The following PAM variants were observed in gnomAD, a reference collection of about 807,000 sequenced individuals.
PAM encodes the protein peptidyl-glycine alpha-amidating monooxygenase.
PAM carries 72 observed loss-of-function variants against 122.1 expected under a neutral mutation model. That is an observed-to-expected ratio of 0.59 (90% CI 0.49 to 0.72). The LOEUF (loss-of-function observed/expected upper bound fraction) is 0.72. Ranked by LOEUF, PAM falls within the 30% of genes least tolerant of loss-of-function variation. The pLI, the probability that PAM is intolerant of heterozygous loss-of-function variation, is 0.00. For missense variants in PAM, 1,106 were observed against 1,183.7 expected, an observed-to-expected ratio of 0.93 and a Z score of 0.96; for synonymous variants, 389 against 404.4, an observed-to-expected ratio of 0.96 and a Z score of 0.46.
rs1300910655 is a variant in PAM, at chr5:102,953,159, T to C, written c.905+2339T>C. ...AAGCTTAACTGTATTAAGCTAGAAA[T>C]TTTGGAACTGGAGAAAACTTTGCTT... On this transcript the variant is annotated intron_variant, in intron 12 of 25. Transcript: ENST00000438793. Among the ~76,000 whole-genome samples the C allele has an allele frequency of 2.0e-5, 3 of 152,246 alleles. No homozygotes were observed. The East Asian group carries it at 5.8e-4, about 29-fold the overall frequency.
At chr5:102,994,529 C>G (rs901063365) in intron 16 of PAM, among the ~76,000 whole-genome samples, 1 of 152,060 alleles carries the variant, frequency 6.6e-6, no homozygotes, top group Admixed American at 6.6e-5. Flanking sequence ...ATCAGTGTTA[C>G]AATTAGTTCC....
At chr5:102,989,932 G>T (rs1225329835) in intron 15 of PAM, 1 of 163,278 alleles carries the variant, frequency 6.1e-6, no homozygotes, top group Non-Finnish European at 1.3e-5. Flanking sequence ...AAAATGCCAT[G>T]TATGTTGTCG....
intron 1 of PAM, among the ~76,000 whole-genome samples, chr5:102,800,180 C>G (rs1764323438): frequency 6.6e-6 from 1 of 152,188 alleles, no homozygotes; most frequent in South Asian, 2.1e-4. Flanking sequence ...TTTGTTCTTG[C>G]TGCTTTCTAT....
intron 16 of PAM, among the ~76,000 whole-genome samples, chr5:102,996,377 G>A (rs1775705305): frequency 6.6e-6 from 1 of 152,206 alleles, no homozygotes; most frequent in Admixed American, 6.6e-5. Context: ...ATAATGTGGA[G>A]TAGCTGCTTT....
intron 20 of PAM, among the ~76,000 whole-genome samples, chr5:103,009,078 TC>T (rs1779882627): frequency 6.6e-6 from 1 of 152,180 alleles, no homozygotes; most frequent in Admixed American, 6.5e-5. Flanking sequence ...AGTGGTTCAA[TC>T]ATCTGAATTG....
intron 3 of PAM, among the ~76,000 whole-genome samples, chr5:102,883,468 A>G (rs1220541138): frequency 6.6e-6 from 1 of 151,464 alleles, no homozygotes. Context: ...TTATTTTTTT[A>G]CAGCTATTGT....
At position 103,025,296 on chromosome 5, in the gene PAM, C is replaced by T; in HGVS notation, c.2651C>T (p.Ala884Val). ...VIPVVVLLAI[A>V]IFIRWKKSRA... ...CCGGTGGTTGTCCTGCTGGCCATTG[C>T]CATATTTATTCGGTGGAAAAAATCA... The change falls in exon 24 of 26, where the codon GCC becomes GTC. Residue 884 changes from alanine to valine, a missense_variant. By Grantham distance (64) the Ala-to-Val change is moderately conservative. Transcript: ENST00000438793. 6.2e-7 allele frequency: 1 copy of T among 1,613,588 alleles called. No individual in the cohort carries two copies. Among genetic ancestry groups the T allele is most frequent in the Non-Finnish European group, 8.5e-7 (1 of 1,179,688 alleles).
chr5:102,927,375 C>G (rs764945523), intron 7 of PAM, among the ~76,000 whole-genome samples: 1 of 152,222 alleles, frequency 6.6e-6, no homozygotes, highest in Non-Finnish European at 1.5e-5. Context: ...GGTTCACACT[C>G]TTGTGTTCAC....
chr5:102,823,863 A>G (rs910977367), intron 1 of PAM, among the ~76,000 whole-genome samples: 1 of 152,206 alleles, frequency 6.6e-6, no homozygotes, highest in African/African-American at 2.4e-5. Flanking sequence ...GGTCACAGAA[A>G]GGGAACTAAC....
intron 5 of PAM, among the ~76,000 whole-genome samples, chr5:102,919,956 C>G (rs1456229519): frequency 6.6e-6 from 1 of 151,988 alleles, no homozygotes; most frequent in Non-Finnish European, 1.5e-5. Flanking sequence ...TTGACTGTTT[C>G]AACAGAAACA....
intron 24 of PAM, among the ~76,000 whole-genome samples, chr5:103,026,310 C>T (rs1470469536): frequency 5.3e-5 from 8 of 152,146 alleles, no homozygotes; most frequent in Admixed American, 4.6e-4. Context: ...GATCAAGAAA[C>T]AGCATCTGAT....
chr5:103,027,093 T>G (rs1437300159), intron 24 of PAM, among the ~76,000 whole-genome samples: 1 of 152,160 alleles, frequency 6.6e-6, no homozygotes, highest in African/African-American at 2.4e-5. Context: ...GCTTCTCACT[T>G]TTTTTCTGAA....
rs138396689 is a variant in PAM at position 102,913,726 on chromosome 5, G to A, written c.269-208G>A. On this transcript the variant is annotated intron_variant, in intron 4 of 25. Coordinates refer to ENST00000438793, the MANE Select transcript of PAM (RefSeq NM_001177306.2). ...TGTGTGTATGTGGGTGTGATATTCA[G>A]CCTTATTTTTCCTTTTTACTCTTAA... Among the ~76,000 whole-genome samples the A allele has an allele frequency of 1.6e-4, 24 of 152,034 alleles. No individual in the cohort carries two copies. In the East Asian group the frequency reaches 4.4e-3, roughly 28 times the overall value.
chr5:102,869,464 T>C (rs1177154961), intron 3 of PAM, among the ~76,000 whole-genome samples: 5 of 152,274 alleles, frequency 3.3e-5, no homozygotes, highest in Admixed American at 6.5e-5. Flanking sequence ...TAAAGTTGAG[T>C]TGGGTTTTGT....
chr5:102,846,702 T>C (rs1192716079), intron 1 of PAM, among the ~76,000 whole-genome samples: 2 of 152,144 alleles, frequency 1.3e-5, no homozygotes, highest in Non-Finnish European at 2.9e-5. Flanking sequence ...AGAACTAAGG[T>C]TGGTCACGTG....
chr5:102,974,162 T>C lies in PAM; in HGVS notation c.1209T>C (p.Asp403=). The C allele has an allele frequency of 1.2e-6, 2 of 1,613,848 alleles. No homozygotes were observed. Among genetic ancestry groups the C allele is most frequent in the Non-Finnish European group, 1.7e-6 (2 of 1,179,816 alleles). The change falls in exon 15 of 26, where the codon GAT becomes GAC. Residue 403 remains aspartate, a synonymous_variant. Transcript: ENST00000438793. ...LLSKLLGERE[D]VVHVHKYNPT... ...CCAAGCTGCTAGGAGAAAGGGAAGA[T>C]GTTGTTCATGTGCACAAATATAATC...
intron 5 of PAM, among the ~76,000 whole-genome samples, chr5:102,915,041 T>A (rs564590724): frequency 5.1e-4 from 78 of 152,212 alleles, no homozygotes; most frequent in African/African-American, 1.8e-3. Context: ...GTCCCTCTCA[T>A]TTTGTTCTTT....
intron 1 of PAM, among the ~76,000 whole-genome samples, chr5:102,856,401 T>G (rs1580993587): frequency 6.6e-6 from 1 of 152,280 alleles, no homozygotes; most frequent in East Asian, 1.9e-4. Context: ...TCATCTGTAG[T>G]GGTTAATGCT....
rs1050690659 is a variant in PAM, at chr5:102,862,672, CAAT to C, written c.-373-3146_-373-3144del. ...ATTCAATATATATTTGTTGCAACAA[CAAT>C]AATAGGGAATATTTATTATGTGTCT... On this transcript the variant is annotated intron_variant, in intron 1 of 25. Transcript: ENST00000438793. Among the ~76,000 whole-genome samples, 57 of 152,160 alleles carry C rather than the reference CAAT, an allele frequency of 3.7e-4. 1 individual carries two copies. Among genetic ancestry groups the C allele is most frequent in the Admixed American group, 3.7e-3 (56 of 15,278 alleles).
Sources: allele counts gnomAD v4.1 joint callset (sites outside exome capture counted in the v4.1 genomes callset), GRCh38; gene constraint gnomAD v4.1.1; transcripts MANE v1.5; gene names NCBI Gene and HGNC (gene_info 2026-07-23, HGNC 2026-07-21).